CREB5: variants seen among roughly 807,000 people sequenced by gnomAD.
CREB5 encodes cyclic AMP-responsive element-binding protein 5.
CREB5 carries 19 observed loss-of-function variants against 57.1 expected under a neutral mutation model. That is an observed-to-expected ratio of 0.33 (90% CI 0.23 to 0.49). The LOEUF (loss-of-function observed/expected upper bound fraction) is 0.49. Ranked by LOEUF, CREB5 falls within the 20% of genes least tolerant of loss-of-function variation. The pLI is 0.99. For missense variants in CREB5, 579 were observed against 671.6 expected, an observed-to-expected ratio of 0.86 and a Z score of 1.52; for synonymous variants, 238 against 238.3, an observed-to-expected ratio of 1.00 and a Z score of 0.01.
intron 1 of CREB5, among the ~76,000 whole-genome samples, chr7:28,319,503 A>T (rs1169784718): frequency 6.6e-6 from 1 of 152,216 alleles, no homozygotes; most frequent in Non-Finnish European, 1.5e-5. Context: ...CAAAAGATAA[A>T]GAGGAGGCTG....
intron 1 of CREB5, among the ~76,000 whole-genome samples, chr7:28,343,370 T>C (rs1368925216): frequency 6.6e-6 from 1 of 152,228 alleles, no homozygotes; most frequent in African/African-American, 2.4e-5. Context: ...CCCCAGACCC[T>C]GGTAACCACT....
chr7:28,586,133 C>T (rs1471093727), intron 5 of CREB5, among the ~76,000 whole-genome samples: 1 of 152,172 alleles, frequency 6.6e-6, no homozygotes, highest in Non-Finnish European at 1.5e-5. Flanking sequence ...TTCTCCCAGT[C>T]AGACCACTGA....
intron 7 of CREB5, among the ~76,000 whole-genome samples, chr7:28,784,081 C>T (rs1191322199): frequency 6.6e-6 from 1 of 152,224 alleles, no homozygotes; most frequent in Non-Finnish European, 1.5e-5. Flanking sequence ...TGCCGTCACT[C>T]AGATGACTTT....
chr7:28,718,905 T>C (rs375346801), intron 6 of CREB5, 26 bp downstream of exon 6: 2 of 1,613,746 alleles, frequency 1.2e-6, no homozygotes, highest in African/African-American at 1.3e-5. Context: ...TGTCTCACAA[T>C]AGCTTGTCAC....
chr7:28,647,582 G>T (rs778462832), intron 5 of CREB5, among the ~76,000 whole-genome samples: 1 of 152,026 alleles, frequency 6.6e-6, no homozygotes, highest in Admixed American at 6.6e-5. Context: ...TTGTAATTCC[G>T]GAAATCTGCA....
intron 1 of CREB5, among the ~76,000 whole-genome samples, chr7:28,433,881 C>T (rs376488640): frequency 9.2e-5 from 14 of 151,772 alleles, no homozygotes; most frequent in South Asian, 4.2e-4. Flanking sequence ...TTTCCTCTTT[C>T]GTCTACTGTA....
At chr7:28,786,780 C>G (rs1807354962) in intron 7 of CREB5, among the ~76,000 whole-genome samples, 1 of 152,174 alleles carries the variant, frequency 6.6e-6, no homozygotes, top group African/African-American at 2.4e-5. Context: ...ACTCAGGGCC[C>G]ACTATCATTG....
intron 7 of CREB5, among the ~76,000 whole-genome samples, chr7:28,769,392 C>T (rs1021022788): frequency 2.6e-5 from 4 of 152,064 alleles, no homozygotes; most frequent in South Asian, 2.1e-4. Context: ...GAGAGATATG[C>T]TAATTATCCT....
intron 5 of CREB5, among the ~76,000 whole-genome samples, chr7:28,631,394 C>T (rs1019983856): frequency 2.0e-5 from 3 of 152,178 alleles, no homozygotes; most frequent in African/African-American, 7.2e-5. Context: ...GGCACTCAAT[C>T]CTTTGAGATT....
upstream of CREB5, chr7:28,410,474 A>T (rs1467195406): frequency 2.2e-6 from 1 of 456,582 alleles, no homozygotes; most frequent in Non-Finnish European, 4.4e-6. Context: ...GGAACCAAGG[A>T]GATGTTTTCT....
chr7:28,642,999 C>CAT lies in CREB5; in HGVS notation c.464+72463_464+72464insTA, dbSNP rs1562544839. Among the ~76,000 whole-genome samples, 71 of 144,316 alleles carry CAT rather than the reference C, an allele frequency of 4.9e-4. 1 individual carries two copies. Among genetic ancestry groups the CAT allele is most frequent in the Admixed American group, 1.2e-3 (18 of 14,530 alleles). 94.7% of individuals were successfully genotyped at this position (144,316 alleles called of 152,430 possible). Reference sequence around the variant, plus strand: ...ACACACACACACATACACACACACACACACACACACACACACACACACACA... The same window carrying CAT: ...ACACACACACACATACACACACACACATACACACACACACACACACACACACA... On this transcript the variant is annotated intron_variant, in intron 5 of 10. Coordinates refer to ENST00000357727, the MANE Select transcript of CREB5 (RefSeq NM_182898.4).
chr7:28,605,944 G>T (rs1404493723), intron 5 of CREB5, among the ~76,000 whole-genome samples: 1 of 152,168 alleles, frequency 6.6e-6, no homozygotes, highest in Admixed American at 6.5e-5. Context: ...TTATCATGCT[G>T]GTGGTTTCAT....
At chr7:28,681,721 T>C (rs1197962587) in intron 5 of CREB5, among the ~76,000 whole-genome samples, 1 of 152,102 alleles carries the variant, frequency 6.6e-6, no homozygotes, top group Non-Finnish European at 1.5e-5. Context: ...GAGCACAGAG[T>C]AATGGCCACC....
intron 1 of CREB5, among the ~76,000 whole-genome samples, chr7:28,433,680 T>C (rs1788822771): frequency 6.6e-6 from 1 of 152,126 alleles, no homozygotes; most frequent in South Asian, 2.1e-4. Context: ...GCACCCTTTA[T>C]CTTTAAAATC....
At chr7:28,600,547 G>C (rs566616607) in intron 5 of CREB5, among the ~76,000 whole-genome samples, 12 of 152,290 alleles carry the variant, frequency 7.9e-5, no homozygotes, top group African/African-American at 2.6e-4. Flanking sequence ...AGGAGGAGGG[G>C]CTGGCTAATG....
In CREB5 at chr7:28,770,027, G is replaced by A. The variant is rs906743219; in HGVS notation, c.703-34172G>A. 7.2e-5 allele frequency among the ~76,000 whole-genome samples: 11 copies of A among 152,212 alleles called. No individual in the cohort carries two copies. In the East Asian group the frequency reaches 7.7e-4, roughly 11 times the overall value. The stretch of plus-strand genomic sequence containing the variant: ...GTCCAGAGTGAGCCACTGCTGGCCC[G>A]CGACAGACAGGGAGCCTGAGCTCAG... On this transcript the variant is annotated intron_variant, in intron 7 of 10. Coordinates refer to ENST00000357727, the MANE Select transcript of CREB5 (RefSeq NM_182898.4).
At chr7:28,336,837 A>C (rs888983745) in intron 1 of CREB5, among the ~76,000 whole-genome samples, 3 of 152,054 alleles carry the variant, frequency 2.0e-5, no homozygotes, top group Non-Finnish European at 4.4e-5. Flanking sequence ...TTACAGCTAT[A>C]AAGTTCCCTC....
At chr7:28,783,700 G>A (rs1042307140) in intron 7 of CREB5, among the ~76,000 whole-genome samples, 8 of 152,152 alleles carry the variant, frequency 5.3e-5, no homozygotes, top group African/African-American at 1.9e-4. Flanking sequence ...GAGACCTTGG[G>A]TAAATCCATT....
At chr7:28,438,684 T>C (rs1789059434) in intron 1 of CREB5, among the ~76,000 whole-genome samples, 1 of 152,312 alleles carries the variant, frequency 6.6e-6, no homozygotes, top group Non-Finnish European at 1.5e-5. Flanking sequence ...GTTAACCTTT[T>C]GGAAATACTG....
Sources: allele counts gnomAD v4.1 joint callset (sites outside exome capture counted in the v4.1 genomes callset), GRCh38; gene constraint gnomAD v4.1.1; transcripts MANE v1.5; gene names NCBI Gene and HGNC (gene_info 2026-07-23, HGNC 2026-07-21).